Variants in RARB observed in about 807,000 individuals in gnomAD.
RARB encodes HBV-activated protein.
In RARB, 17 loss-of-function variants were observed where a neutral mutation model predicts 51.9. That is an observed-to-expected ratio of 0.33 (90% confidence interval 0.22 to 0.49). The LOEUF (loss-of-function observed/expected upper bound fraction) is 0.49. Among genes scored for constraint, RARB ranks in the 20% least tolerant of loss-of-function variants. RARB has a pLI of 0.99. For missense variants in RARB, 369 were observed against 550.8 expected, an observed-to-expected ratio of 0.67 and a Z score of 3.30; for synonymous variants, 215 against 195.4, an observed-to-expected ratio of 1.10 and a Z score of -0.84.
At chr3:25,584,961 C>T (rs1453075752) in intron 5 of RARB, among the ~76,000 whole-genome samples, 1 of 151,654 alleles carries the variant, frequency 6.6e-6, no homozygotes, top group South Asian at 2.1e-4. Context: ...CCTCCGCCCC[C>T]ACCCCACTGC....
At chr3:25,219,277 T>A (rs1185185525) in intron 5 of RARB, among the ~76,000 whole-genome samples, 6 of 144,500 alleles carry the variant, frequency 4.2e-5, no homozygotes, top group Admixed American at 3.5e-4. Context: ...AAAAAAAAAA[T>A]ATGTATCCAT....
At chr3:25,102,220 A>C (rs1699414407) in intron 3 of RARB, among the ~76,000 whole-genome samples, 1 of 152,142 alleles carries the variant, frequency 6.6e-6, no homozygotes, top group South Asian at 2.1e-4. Context: ...TCCCCACATC[A>C]GTTCAGGAAA....
At chr3:24,899,573 A>G (rs956983533) in intron 2 of RARB, among the ~76,000 whole-genome samples, 1 of 152,182 alleles carries the variant, frequency 6.6e-6, no homozygotes, top group Admixed American at 6.5e-5. Flanking sequence ...TAGGACCCAG[A>G]GGAGTTTCTG....
chr3:24,898,839 G>C (rs1345918864), intron 2 of RARB, among the ~76,000 whole-genome samples: 1 of 152,136 alleles, frequency 6.6e-6, no homozygotes, highest in African/African-American at 2.4e-5. Context: ...CCACCAGGCT[G>C]CACACCACAT....
intron 2 of RARB, among the ~76,000 whole-genome samples, chr3:24,954,413 A>G (rs536858036): frequency 6.6e-6 from 1 of 152,230 alleles, no homozygotes; most frequent in Non-Finnish European, 1.5e-5. Context: ...CTTAAGCAGC[A>G]GCTGAGTCCT....
chr3:24,854,867 C>G (rs1315167072), intron 1 of RARB, among the ~76,000 whole-genome samples: 1 of 152,186 alleles, frequency 6.6e-6, no homozygotes, highest in Non-Finnish European at 1.5e-5. Context: ...CAAGGCTGCT[C>G]AAAACGATCT....
At chr3:24,981,885 T>C (rs1696682993) in intron 2 of RARB, among the ~76,000 whole-genome samples, 1 of 152,164 alleles carries the variant, frequency 6.6e-6, no homozygotes, top group African/African-American at 2.4e-5. Flanking sequence ...CTGGGAGCTG[T>C]AGACCAGAGC....
chr3:25,070,253 T>C (rs1012125956), intron 3 of RARB, among the ~76,000 whole-genome samples: 1 of 152,196 alleles, frequency 6.6e-6, no homozygotes, highest in African/African-American at 2.4e-5. Flanking sequence ...TCCAGTGTTA[T>C]CTCATCTGAA....
chr3:25,130,469 G>A (rs1016244843), intron 3 of RARB, among the ~76,000 whole-genome samples: 2 of 151,882 alleles, frequency 1.3e-5, no homozygotes, highest in Non-Finnish European at 2.9e-5. Flanking sequence ...GCAAGACTGA[G>A]CATGTTGTCA....
At chr3:25,045,797 A>C (rs192456657) in intron 2 of RARB, among the ~76,000 whole-genome samples, 5 of 152,386 alleles carry the variant, frequency 3.3e-5, no homozygotes, top group African/African-American at 1.2e-4. Context: ...TTAAGGTTTA[A>C]TATTTTTATT....
intron 5 of RARB, among the ~76,000 whole-genome samples, chr3:25,301,136 T>G (rs1704027944): frequency 6.6e-6 from 1 of 152,218 alleles, no homozygotes; most frequent in East Asian, 1.9e-4. Context: ...TACTTTATGA[T>G]GGGGTTATCA....
Position 25,122,451 on chromosome 3 carries a change from C to G in RARB, c.-327-9710C>G, listed in dbSNP as rs150220626. On this transcript the variant is annotated intron_variant, in intron 3 of 11. Coordinates refer to the RARB transcript ENST00000383772. ...GGGTACTGTGGAAAGATTATTGAAA[C>G]TTTACAGTGCCATGAACTGAAGTTT... is the stretch of plus-strand genomic sequence containing the variant. Among the ~76,000 whole-genome samples the G allele has an allele frequency of 1.3e-4, 20 of 151,986 alleles. 1 individual carries two copies. The East Asian group carries it at 3.3e-3, about 25-fold the overall frequency.
At chr3:25,414,891 G>A (rs1317742033) in intron 5 of RARB, among the ~76,000 whole-genome samples, 1 of 152,120 alleles carries the variant, frequency 6.6e-6, no homozygotes, top group South Asian at 2.1e-4. Context: ...GCCCAGGCTG[G>A]AGTGTAATGG....
rs182698463 is a variant in RARB at position 24,910,955 on chromosome 3, A to G, written c.-380+52203A>G. On this transcript the variant is annotated intron_variant, in intron 2 of 11. Transcript: ENST00000383772. ...GCTAGCCAATTTCTACCACAGGGCC[A>G]ACATAAGTTCTTTAACAGCTCAAGT... Among the ~76,000 whole-genome samples, 12 of 152,338 alleles carry G rather than the reference A, an allele frequency of 7.9e-5. No homozygotes were observed. In the East Asian group the frequency reaches 1.5e-3, roughly 20 times the overall value.
At chr3:24,991,448 A>AAAAAAAAAAAAG (rs569915453) in intron 2 of RARB, among the ~76,000 whole-genome samples, 1 of 151,306 alleles carries the variant, frequency 6.6e-6, no homozygotes, top group African/African-American at 2.4e-5. Flanking sequence ...TGTCTCAAAA[A>AAAAAAAAAAAAG]AAAAAGAAAA....
At chr3:25,131,195 C>A (rs184228521) in intron 3 of RARB, among the ~76,000 whole-genome samples, 1 of 151,836 alleles carries the variant, frequency 6.6e-6, no homozygotes, top group African/African-American at 2.4e-5. Flanking sequence ...GAGGTGCCTA[C>A]GGAATAAGCC....
At chr3:24,986,123 TC>T (rs1160269792) in intron 2 of RARB, among the ~76,000 whole-genome samples, 9 of 152,248 alleles carry the variant, frequency 5.9e-5, no homozygotes, top group Non-Finnish European at 1.3e-4. Flanking sequence ...ATTGTTTGAT[TC>T]TGAACACTGT....
At chr3:25,007,027 A>C (rs11706159) in intron 2 of RARB, among the ~76,000 whole-genome samples, 76,740 of 152,102 alleles carry the variant, frequency 0.5, 20,311 homozygotes, top group East Asian at 0.65. Flanking sequence ...AATAAGAATG[A>C]GTTGCAGACA....
At chr3:25,195,836 T>A (rs1296544909) in intron 5 of RARB, among the ~76,000 whole-genome samples, 1 of 151,988 alleles carries the variant, frequency 6.6e-6, no homozygotes, top group Non-Finnish European at 1.5e-5. Context: ...AATGTAAACA[T>A]CTTCTATAAA....
Sources: gnomAD v4.1 joint callset for allele counts (sites outside exome capture counted in the v4.1 genomes callset) on GRCh38, gnomAD v4.1.1 for gene constraint, MANE v1.5 for transcripts, NCBI Gene and HGNC (gene_info 2026-07-23, HGNC 2026-07-21) for gene names.